Variants in DOT1L observed in about 807,000 individuals in gnomAD.
DOT1L encodes DOT1 like histone lysine methyltransferase, also known as histone-lysine N-methyltransferase, H3 lysine-79 specific.
Under a neutral mutation model 153.3 loss-of-function variants are expected in DOT1L, and 33 were observed. The ratio of observed to expected loss-of-function variants is 0.22; its 90% confidence interval spans 0.16 to 0.29. The LOEUF is 0.29. Among genes scored for constraint, DOT1L ranks in the 10% least tolerant of loss-of-function variants. The pLI is 1.00. For missense variants in DOT1L, 1,847 were observed against 2,119.9 expected, an observed-to-expected ratio of 0.87 and a Z score of 2.53; for synonymous variants, 1,135 against 965.1, an observed-to-expected ratio of 1.18 and a Z score of -3.26.
chr19:2,185,632 G>T (rs1483005949), intron 2 of DOT1L, among the ~76,000 whole-genome samples: 1 of 152,144 alleles, frequency 6.6e-6, no homozygotes, highest in Non-Finnish European at 1.5e-5. Context: ...AGCCAGGCGT[G>T]GTGGTGGGCA....
chr19:2,190,969 C>G lies in DOT1L; in HGVS notation c.265-43C>G, dbSNP rs755379104. ...GGTCTTGGTGGTGGAGGGGCTGGGC[C>G]GTGAGGTTTATGTGACATGGCCGGG... On this transcript the variant is annotated intron_variant, in intron 4 of 27. Transcript: ENST00000398665. The surrounding 1 kb of genome is among the most constrained non-coding windows in gnomAD (Gnocchi z 4.8). The G allele has an allele frequency of 3.3e-6, 5 of 1,531,076 alleles. No individual in the cohort carries two copies. The highest frequency in any genetic ancestry group is 1.4e-5 in the African/African-American group (1 of 73,056). 94.8% of individuals were successfully genotyped at this position (1,531,076 alleles called of 1,614,324 possible).
In DOT1L at chr19:2,208,830, C is replaced by G; in HGVS notation, c.964-105C>G. The G allele has an allele frequency of 8.4e-7, 1 of 1,196,648 alleles. No homozygotes were observed. 74.1% of individuals were successfully genotyped at this position (1,196,648 alleles called of 1,614,324 possible). A position where few individuals can be genotyped will look rare whatever the true frequency, so the allele number is the denominator to read the frequency against. On this transcript the variant is annotated intron_variant, in intron 11 of 27. Coordinates refer to ENST00000398665, the MANE Select transcript of DOT1L (RefSeq NM_032482.3). This position sits in a 1 kb window ranked among gnomAD's most constrained non-coding sequence, Gnocchi z 4.4. Reference sequence around the variant, plus strand: ...CTGCTGTCCCCAGATACCAGAACAGCCTCCCCAGCCACTGTCCAGGTTGCT... The same window carrying G: ...CTGCTGTCCCCAGATACCAGAACAGGCTCCCCAGCCACTGTCCAGGTTGCT...
intron 1 of DOT1L, among the ~76,000 whole-genome samples, chr19:2,172,451 A>G (rs2021691373): frequency 6.6e-6 from 1 of 150,556 alleles, no homozygotes; most frequent in Non-Finnish European, 1.5e-5. Context: ...GGGCTCCCAA[A>G]GTGCTGGGAT....
At chr19:2,214,645 C>T (rs1469617275) in intron 19 of DOT1L, 49 bp downstream of exon 19, 1 of 1,598,934 alleles carries the variant, frequency 6.3e-7, no homozygotes, top group Middle Eastern at 1.7e-4. Context: ...CCTCTCCCAT[C>T]AGCCTCCCTG....
Position 2,207,860 on chromosome 19 carries a change from G to T in DOT1L, c.963+180G>T, listed in dbSNP as rs1005900431. ...GCCCCTCAGTACTGCTTGCACCGCA[G>T]GACCCACCAGGGTCCTCCCAGGCAC... On this transcript the variant is annotated intron_variant, in intron 11 of 27. Coordinates refer to ENST00000398665, the MANE Select transcript of DOT1L (RefSeq NM_032482.3). The surrounding 1 kb of genome is among the most constrained non-coding windows in gnomAD (Gnocchi z 4.5). Among the ~76,000 whole-genome samples the T allele has an allele frequency of 4.6e-5, 7 of 152,056 alleles. No individual in the cohort carries two copies. Among genetic ancestry groups the T allele is most frequent in the African/African-American group, 1.7e-4 (7 of 41,412 alleles).
chr19:2,215,385 G>A (rs1018030086), intron 19 of DOT1L: 2 of 152,278 alleles, frequency 1.3e-5, no homozygotes, highest in African/African-American at 4.8e-5. Context: ...CCAGGCAGAG[G>A]CAGGTGCTGG....
chr19:2,210,688 G>A lies in DOT1L; in HGVS notation c.1184G>A (p.Arg395His), dbSNP rs745691240. 1.7e-5 allele frequency: 27 copies of A among 1,613,154 alleles called. No individual in the cohort carries two copies. Among genetic ancestry groups the A allele is most frequent in the Non-Finnish European group, 2.0e-5 (24 of 1,179,978 alleles). Residue 395 changes from arginine to histidine, a missense_variant, in exon 14 of 28, where the codon CGC becomes CAC. This residue lies in a region of DOT1L where 205 missense variants were observed against 203.1 expected (regional missense o/e 1.01). Coordinates refer to ENST00000398665, the MANE Select transcript of DOT1L (RefSeq NM_032482.3). ...AAGAAGCCGTCTCCCTCCAAAGCCC[G>A]CAAGAAGAAGCTAAACAAGAAGGGG... ...TVKKPSPSKA[R>H]KKKLNKKGRK...
intron 27 of DOT1L, chr19:2,228,212 C>G (rs751048650): frequency 2.2e-6 from 3 of 1,364,272 alleles, no homozygotes; most frequent in South Asian, 2.3e-5. Flanking sequence ...ACCACCAGCC[C>G]CTGCCCCGGC....
chr19:2,171,926 G>A (rs547725049), intron 1 of DOT1L, among the ~76,000 whole-genome samples: 3 of 152,292 alleles, frequency 2.0e-5, no homozygotes, highest in Non-Finnish European at 4.4e-5. Context: ...CTTTTGCATT[G>A]GAATCACAGA....
rs2022794187 is a variant in DOT1L at position 2,191,576 on chromosome 19, G to A, written c.493+336G>A. Among the ~76,000 whole-genome samples the A allele has an allele frequency of 6.6e-6, 1 of 152,060 alleles. No homozygotes were observed. Among genetic ancestry groups the A allele is most frequent in the Non-Finnish European group, 1.5e-5 (1 of 67,994 alleles). ...TGCTCGCTCCCAGAAGCTGCCACTC[G>A]CTAGCCTGGGCCCCAGCCCGGGCCC... On this transcript the variant is annotated intron_variant, in intron 5 of 27. Coordinates refer to ENST00000398665, the MANE Select transcript of DOT1L (RefSeq NM_032482.3). The surrounding 1 kb of genome is among the most constrained non-coding windows in gnomAD (Gnocchi z 6.8).
At position 2,167,941 on chromosome 19, in the gene DOT1L, G is replaced by A. The variant is rs539768963; in HGVS notation, c.81+3676G>A. ...GTAGAGACAGGGTTTCACCATATTG[G>A]CCAGGCTGGTCTCAAACTCCTGACC... On this transcript the variant is annotated intron_variant, in intron 1 of 27. Coordinates refer to ENST00000398665, the MANE Select transcript of DOT1L (RefSeq NM_032482.3). 2.6e-5 allele frequency among the ~76,000 whole-genome samples: 4 copies of A among 152,082 alleles called. No homozygotes were observed. In the East Asian group the frequency reaches 7.7e-4, roughly 29 times the overall value.
chr19:2,223,163 A>T, intron 24 of DOT1L, 118 bp from the exon 25 acceptor site: 1 of 1,091,036 alleles, frequency 9.2e-7, no homozygotes, highest in South Asian at 1.4e-5. Context: ...TGGGCAGGGC[A>T]TCAGTTTCCT....
rs2024560176 is a variant in DOT1L at position 2,230,626 on chromosome 19, A to G, written c.*834A>G. 2 of 398,602 alleles carry G rather than the reference A, an allele frequency of 5.0e-6. No homozygotes were observed. Among genetic ancestry groups the G allele is most frequent in the Non-Finnish European group, 8.8e-6 (2 of 226,050 alleles). 24.7% of individuals were successfully genotyped at this position (398,602 alleles called of 1,614,324 possible). A position where few individuals can be genotyped will look rare whatever the true frequency, so the allele number is the denominator to read the frequency against. ...CCCTTGGTGTTTCTGTACAGGAGAGAGTCACACTAATGAGTGGCAGTATTT... is the reference window on the plus strand; with the variant it reads ...CCCTTGGTGTTTCTGTACAGGAGAGGGTCACACTAATGAGTGGCAGTATTT... On this transcript the variant is annotated 3_prime_UTR_variant, in exon 28 of 28. Transcript: ENST00000398665.
At chr19:2,182,910 G>T (rs138513740) in intron 2 of DOT1L, among the ~76,000 whole-genome samples, 21 of 152,282 alleles carry the variant, frequency 1.4e-4, no homozygotes, top group Non-Finnish European at 2.5e-4. Context: ...GAGCTTAAGC[G>T]TTGTAGGGAG....
chr19:2,211,334 T>C, intron 15 of DOT1L, 122 bp downstream of exon 15: 1 of 892,538 alleles, frequency 1.1e-6, no homozygotes, highest in Non-Finnish European at 1.7e-6. Context: ...CCCACTGAAG[T>C]TTACCCAGGG....
At chr19:2,188,669 C>T (rs2022656803) in intron 3 of DOT1L, among the ~76,000 whole-genome samples, 1 of 152,208 alleles carries the variant, frequency 6.6e-6, no homozygotes, top group Admixed American at 6.5e-5. Context: ...ACAGTGTTCA[C>T]TGGACAGGTA....
At position 2,229,914 on chromosome 19, in the gene DOT1L, A is replaced by C; in HGVS notation, c.*122A>C. 6.3e-7 allele frequency: 1 copy of C among 1,575,126 alleles called. No individual in the cohort carries two copies. The highest frequency in any genetic ancestry group is 8.7e-7 in the Non-Finnish European group (1 of 1,152,362). ...GACGGCAGAGGCAAGGACGGACGGGAGCTCCACTGTGAATCGGCGGCACGC... is the reference window on the plus strand; with the variant it reads ...GACGGCAGAGGCAAGGACGGACGGGCGCTCCACTGTGAATCGGCGGCACGC... On this transcript the variant is annotated 3_prime_UTR_variant, in exon 28 of 28. Coordinates refer to ENST00000398665, the MANE Select transcript of DOT1L (RefSeq NM_032482.3).
chr19:2,217,950 G>C lies in DOT1L; in HGVS notation c.2691+32G>C, dbSNP rs757996313. 6.2e-7 allele frequency: 1 copy of C among 1,603,940 alleles called. No homozygotes were observed. Among genetic ancestry groups the C allele is most frequent in the South Asian group, 1.1e-5 (1 of 90,134 alleles). On this transcript the variant is annotated intron_variant, in intron 22 of 27. Transcript: ENST00000398665. This position sits in a 1 kb window ranked among gnomAD's most constrained non-coding sequence, Gnocchi z 7.3. ...GGCTCCCAGGTGGCTGTCCCCAAGG[G>C]CCACGTTGAGGCAAAACAGTCTGGG...
chr19:2,227,672 T>G lies in DOT1L; in HGVS notation c.4606+545T>G, dbSNP rs557198495. Reference sequence around the variant, plus strand: ...GCTTCCCTTTTTGTGAGCCTGCGGCTGCTGCTCTGCGCTTGCCTGGATGCT... The same window carrying G: ...GCTTCCCTTTTTGTGAGCCTGCGGCGGCTGCTCTGCGCTTGCCTGGATGCT... On this transcript the variant is annotated intron_variant, in intron 27 of 27. Transcript: ENST00000398665. 6.3e-4 allele frequency: 805 copies of G among 1,278,930 alleles called. 2 individuals carry two copies. The highest frequency in any genetic ancestry group is 9.3e-4 in the South Asian group (74 of 79,146). 79.2% of individuals were successfully genotyped at this position (1,278,930 alleles called of 1,614,324 possible). A position where few individuals can be genotyped will look rare whatever the true frequency, so the allele number is the denominator to read the frequency against.
Sources: allele counts gnomAD v4.1 joint callset (sites outside exome capture counted in the v4.1 genomes callset), GRCh38; gene constraint gnomAD v4.1.1; regional missense constraint gnomAD v4.1.1; non-coding constraint Gnocchi (gnomAD v3.1); transcripts MANE v1.5; gene names NCBI Gene and HGNC (gene_info 2026-07-23, HGNC 2026-07-21).